The following ADCK5 variants were observed in gnomAD, a reference collection of about 807,000 sequenced individuals.
ADCK5 encodes the protein aarF domain containing kinase 5, also known as uncharacterized aarF domain-containing protein kinase 5.
ADCK5 carries 43 observed loss-of-function variants against 64.9 expected under a neutral mutation model. The observed-to-expected ratio is 0.66, with a 90% CI of 0.52 to 0.85. The LOEUF (loss-of-function observed/expected upper bound fraction) is 0.85. Among genes scored for constraint, ADCK5 ranks in the 40% least tolerant of loss-of-function variants. The probability of loss-of-function intolerance (pLI) is 0.00; values close to 1 mark genes in which losing one functional copy is unlikely to be tolerated. For synonymous variants in ADCK5, 434 were observed against 342.8 expected, an observed-to-expected ratio of 1.27 and a Z score of -2.94; for missense variants, 760 against 810.5, an observed-to-expected ratio of 0.94 and a Z score of 0.76.
rs782311286 is a variant in ADCK5, at chr8:144,393,041, A to G, written c.1710A>G (p.Pro570=). ...TGGTCCACCTGAGCCTCGTGCCCCC[A>G]GCGGAGGAGCTCTACCAGTACCTGG... is the stretch of plus-strand genomic sequence containing the variant. ...RALVHLSLVP[P]AEELYQYLET Residue 570 remains proline (P), a synonymous_variant, in exon 15 of 15, where the codon CCA becomes CCG. Transcript: ENST00000308860. The G allele has an allele frequency of 1.3e-6, 2 of 1,587,620 alleles. No homozygotes were observed. The highest frequency in any genetic ancestry group is 2.3e-5 in the South Asian group (2 of 87,736).
At chr8:144,392,416 C>CCAA in intron 12 of ADCK5, 29 bp from the exon 13 acceptor site, 6 of 1,333,406 alleles carry the variant, frequency 4.5e-6, no homozygotes, top group Non-Finnish European at 5.9e-6. Context: ...CTCAGAGCCC[C>CCAA]CTCCCTCCCT....
chr8:144,393,022 A>G lies in ADCK5; in HGVS notation c.1691A>G (p.His564Arg), dbSNP rs1554861701. ...LTALLARALVHLSLVPPAEEL... is the reference protein window; with the variant it reads ...LTALLARALVRLSLVPPAEEL... Reference sequence around the variant, plus strand: ...GCCCTCCTGGCTCGTGCTCTGGTCCACCTGAGCCTCGTGCCCCCAGCGGAG... The same window carrying G: ...GCCCTCCTGGCTCGTGCTCTGGTCCGCCTGAGCCTCGTGCCCCCAGCGGAG... The change falls in exon 15 of 15, where the codon CAC becomes CGC. Residue 564 changes from histidine (H) to arginine (R), a missense_variant. His to Arg is a conservative substitution (Grantham distance 29). This residue lies in a region of ADCK5 where 333 missense variants were observed against 292.0 expected (regional missense o/e 1.14). Coordinates refer to ENST00000308860, the MANE Select transcript of ADCK5 (RefSeq NM_174922.5). 1 of 1,591,436 alleles carries G rather than the reference A, an allele frequency of 6.3e-7. No individual in the cohort carries two copies. The highest frequency in any genetic ancestry group is 2.3e-5 in the East Asian group (1 of 44,026).
chr8:144,373,967 C>T (rs563560822), upstream of ADCK5: 2 of 1,096,482 alleles, frequency 1.8e-6, no homozygotes, highest in Admixed American at 4.3e-5. Context: ...GGCCTCCAGC[C>T]TCGCCCACCG....
chr8:144,383,923 C>G (rs999202477), intron 3 of ADCK5, among the ~76,000 whole-genome samples: 16 of 132,866 alleles, frequency 1.2e-4, no homozygotes, highest in Non-Finnish European at 1.6e-4. Flanking sequence ...GACAGAGTCT[C>G]GCTCTGTCAC....
chr8:144,387,801 C>T (rs561190379), intron 3 of ADCK5, among the ~76,000 whole-genome samples: 3 of 151,068 alleles, frequency 2.0e-5, no homozygotes, highest in East Asian at 2.0e-4. Flanking sequence ...GTGGGATCTC[C>T]GCTCACTGCA....
At position 144,392,646 on chromosome 8, in the gene ADCK5, T is replaced by C; in HGVS notation, c.1469T>C (p.Ile490Thr). ...CGCAACATCAACACCGTGCGCGCTA[T>C]CAACGTGGCCCTCGGCGCCCCCGTG... ...VLRNINTVRA[I>T]NVALGAPVDR... Residue 490 changes from isoleucine (I) to threonine (T), a missense_variant, in exon 13 of 15, where the codon ATC (isoleucine) becomes ACC (threonine). By Grantham distance (89) the Ile-to-Thr change is moderately conservative. This residue lies in a region of ADCK5 where 333 missense variants were observed against 292.0 expected (regional missense o/e 1.14). Coordinates refer to ENST00000308860, the MANE Select transcript of ADCK5 (RefSeq NM_174922.5). 6.3e-7 allele frequency: 1 copy of C among 1,594,892 alleles called. No individual in the cohort carries two copies. The highest frequency in any genetic ancestry group is 8.5e-7 in the Non-Finnish European group (1 of 1,172,856).
At chr8:144,373,839 G>C (rs1306819383), upstream of ADCK5, 1 of 369,762 alleles carries the variant, frequency 2.7e-6, no homozygotes, top group Admixed American at 4.6e-5. Context: ...GCAGTGCGCC[G>C]AGGGCGGGAC....
chr8:144,375,665 C>G (rs117122193), intron 1 of ADCK5: 1 of 985,178 alleles, frequency 1.0e-6, no homozygotes, highest in South Asian at 4.7e-5. Flanking sequence ...GAATACTTGC[C>G]GCTTTCAAGG....
intron 4 of ADCK5, 26 bp downstream of exon 4, chr8:144,390,772 AGTGGTGGGCATGAG>A (rs1554860228): frequency 1.4e-5 from 22 of 1,611,310 alleles, no homozygotes; most frequent in Non-Finnish European, 1.8e-5. Context: ...CTGGGCACAC[AGTGGTGGGCATGAG>A]GTGGTGGGCT....
chr8:144,373,942 C>T, upstream of ADCK5: 1 of 892,962 alleles, frequency 1.1e-6, no homozygotes, highest in Non-Finnish European at 1.5e-6. Flanking sequence ...CGGAGGCCGG[C>T]ACGACTCGGG....
At chr8:144,373,386 G>C (rs1312315179), upstream of ADCK5, 1 of 152,514 alleles carries the variant, frequency 6.6e-6, no homozygotes, top group Non-Finnish European at 1.5e-5. Flanking sequence ...GCATGCCCGG[G>C]CCTGGGCCCC....
chr8:144,390,389 A>G (rs1192631181), intron 3 of ADCK5, among the ~76,000 whole-genome samples: 1 of 152,160 alleles, frequency 6.6e-6, no homozygotes, highest in East Asian at 1.9e-4. Flanking sequence ...ACAGCCTCCC[A>G]ATGTGATGGG....
At chr8:144,390,229 C>T (rs1027679578) in intron 3 of ADCK5, among the ~76,000 whole-genome samples, 15 of 152,106 alleles carry the variant, frequency 9.9e-5, no homozygotes, top group African/African-American at 3.4e-4. Flanking sequence ...TAGGCTCAAA[C>T]GATCCTCCTG....
chr8:144,388,701 C>T (rs1820054562), intron 3 of ADCK5, among the ~76,000 whole-genome samples: 2 of 151,664 alleles, frequency 1.3e-5, no homozygotes, highest in Non-Finnish European at 2.9e-5. Context: ...GGAGGCGGAG[C>T]CTGCAGTGAG....
In ADCK5 at chr8:144,376,406, G is replaced by C. The variant is rs1243502127; in HGVS notation, c.12+2299G>C. On this transcript the variant is annotated intron_variant, in intron 1 of 14. Coordinates refer to ENST00000308860, the MANE Select transcript of ADCK5 (RefSeq NM_174922.5). This position sits in a 1 kb window ranked among gnomAD's most constrained non-coding sequence, Gnocchi z 5.1. ...CACGGTGAACAAGGTGGAGCGGGAC[G>C]TGAGCATGAGCAAGGCTGCTGGTGG... Among the ~76,000 whole-genome samples, 2 of 152,218 alleles carry C rather than the reference G, an allele frequency of 1.3e-5. No individual in the cohort carries two copies. The highest frequency in any genetic ancestry group is 3.8e-4 in the East Asian group (2 of 5,200).
upstream of ADCK5, chr8:144,373,836 G>A (rs782494221): frequency 5.4e-6 from 2 of 367,580 alleles, no homozygotes; most frequent in East Asian, 8.0e-5. Flanking sequence ...TGCGCAGTGC[G>A]CCGAGGGCGG....
Position 144,389,252 on chromosome 8 carries a change from C to T in ADCK5, c.267-1419C>T, listed in dbSNP as rs575543415. ...CCACTTCCTGCCTTAACTGGGCTCT[C>T]TTCCCTGCAGACCTTGCCTCCCCAG... is the stretch of plus-strand genomic sequence containing the variant. On this transcript the variant is annotated intron_variant, in intron 3 of 14. Transcript: ENST00000308860. 3.2e-3 allele frequency: 1,453 copies of T among 456,598 alleles called. 5 individuals carry two copies. Among genetic ancestry groups the T allele is most frequent in the South Asian group, 4.6e-3 (300 of 64,566 alleles). 28.3% of individuals were successfully genotyped at this position (456,598 alleles called of 1,614,324 possible).
chr8:144,375,000 T>C (rs1819308274), intron 1 of ADCK5, among the ~76,000 whole-genome samples: 1 of 152,188 alleles, frequency 6.6e-6, no homozygotes, highest in Non-Finnish European at 1.5e-5. Flanking sequence ...GCAGAGCTTG[T>C]GTTTGGCGAT....
chr8:144,385,186 CTTT>C (rs75146415), intron 3 of ADCK5, among the ~76,000 whole-genome samples: 4 of 138,130 alleles, frequency 2.9e-5, no homozygotes, highest in Non-Finnish European at 6.3e-5. Flanking sequence ...CTTACATTTT[CTTT>C]TTTTTTTTTT....
Sources: allele counts gnomAD v4.1 joint callset (sites outside exome capture counted in the v4.1 genomes callset), GRCh38; gene constraint gnomAD v4.1.1; regional missense constraint gnomAD v4.1.1; non-coding constraint Gnocchi (gnomAD v3.1); transcripts MANE v1.5; gene names NCBI Gene and HGNC (gene_info 2026-07-23, HGNC 2026-07-21).